SLC13A3: variants seen among roughly 807,000 people sequenced by gnomAD.
The protein encoded by SLC13A3 is Na(+)/dicarboxylate cotransporter 3.
A neutral mutation model predicts 59.0 loss-of-function variants in SLC13A3; 40 were observed. The observed-to-expected ratio is 0.68, with a 90% CI of 0.53 to 0.88. The LOEUF (loss-of-function observed/expected upper bound fraction) is 0.88, where lower values mean the gene tolerates loss of function less well. Ranked by LOEUF, SLC13A3 falls within the 40% of genes least tolerant of loss-of-function variation. The pLI, the probability that SLC13A3 is intolerant of heterozygous loss-of-function variation, is 0.00. For missense variants in SLC13A3, 699 were observed against 783.2 expected (o/e 0.89, Z 1.28); for synonymous variants, 317 against 330.3 (o/e 0.96, Z 0.44).
At chr20:46,679,178 A>C (rs1375006766) in intron 1 of SLC13A3, among the ~76,000 whole-genome samples, 2 of 152,166 alleles carry the variant, frequency 1.3e-5, no homozygotes, top group Non-Finnish European at 2.9e-5. Flanking sequence ...GCCCATTCCT[A>C]ATCAGGAACC....
At position 46,592,418 on chromosome 20, in the gene SLC13A3, C is replaced by T; in HGVS notation, c.906G>A (p.Gly302=). The T allele has an allele frequency of 1.2e-6, 2 of 1,613,936 alleles. No individual in the cohort carries two copies. Among genetic ancestry groups the T allele is most frequent in the South Asian group, 1.1e-5 (1 of 91,060 alleles). The part of the protein sequence containing the change: ...AGWLWISFLY[G]GLSFRGWRKN... ...ATGAGAGGTACCTGAAGCTCAGTCC[C>T]CCGTACAGGAAGGAGATCCAGAGCC... The change falls in exon 6 of 13, where the codon GGG becomes GGA. Residue 302 remains glycine (G), a synonymous_variant. Transcript: ENST00000279027.
At chr20:46,566,991 G>A (rs976513322) in intron 10 of SLC13A3, among the ~76,000 whole-genome samples, 4 of 151,992 alleles carry the variant, frequency 2.6e-5, no homozygotes, top group Non-Finnish European at 5.9e-5. Flanking sequence ...ATCACTTGAG[G>A]TCAGGAGTTC....
chr20:46,657,663 A>C (rs928980967), intron 1 of SLC13A3, among the ~76,000 whole-genome samples: 1 of 152,066 alleles, frequency 6.6e-6, no homozygotes, highest in Admixed American at 6.6e-5. Flanking sequence ...GAGGCTGAGT[A>C]ATTTATAAAG....
intron 1 of SLC13A3, among the ~76,000 whole-genome samples, chr20:46,676,633 T>A (rs998028202): frequency 1.8e-4 from 28 of 152,090 alleles, no homozygotes; most frequent in Non-Finnish European, 3.1e-4. Flanking sequence ...TCATCCAGGC[T>A]GGAGTGCAGT....
rs895050028 is a variant in SLC13A3, at chr20:46,559,816, T to C, written c.*206A>G. ...TTTCTCAGGCAGCAGATCTGAGAGA[T>C]ACCTGGGCTTTGAACTGCATGAAAG... On this transcript the variant is annotated 3_prime_UTR_variant, in exon 13 of 13. Coordinates refer to ENST00000279027, the MANE Select transcript of SLC13A3 (RefSeq NM_022829.6). 3 of 543,748 alleles carry C rather than the reference T, an allele frequency of 5.5e-6. No homozygotes were observed. Among genetic ancestry groups the C allele is most frequent in the Admixed American group, 6.4e-5 (2 of 31,298 alleles). 33.7% of individuals were successfully genotyped at this position (543,748 alleles called of 1,614,324 possible).
At chr20:46,561,393 C>T (rs2061929120) in intron 12 of SLC13A3, among the ~76,000 whole-genome samples, 1 of 152,202 alleles carries the variant, frequency 6.6e-6, no homozygotes, top group Admixed American at 6.5e-5. Context: ...CCTAAATTTA[C>T]TGAGACCTGT....
In SLC13A3 at chr20:46,628,354, A is replaced by G. The variant is rs369558998; in HGVS notation, c.112-14629T>C. 1.5e-4 allele frequency among the ~76,000 whole-genome samples: 23 copies of G among 152,212 alleles called. 1 individual carries two copies. The highest frequency in any genetic ancestry group is 4.6e-4 in the African/African-American group (19 of 41,520). On this transcript the variant is annotated intron_variant, in intron 1 of 12. Transcript: ENST00000279027. Reference sequence around the variant, plus strand: ...AGAATCTTGCTGAGCGGGCCCAGGGAAGAAGGAGTAGCAGCTTCGGGTAAA... The same window carrying G: ...AGAATCTTGCTGAGCGGGCCCAGGGGAGAAGGAGTAGCAGCTTCGGGTAAA...
At chr20:46,626,203 CTCTG>C (rs2062669699) in intron 1 of SLC13A3, among the ~76,000 whole-genome samples, 1 of 150,250 alleles carries the variant, frequency 6.7e-6, no homozygotes, top group Middle Eastern at 3.4e-3. Context: ...TTCCCACTCC[CTCTG>C]TCTGTCCTCT....
chr20:46,679,897 G>C (rs1323380401), intron 1 of SLC13A3, among the ~76,000 whole-genome samples: 1 of 147,016 alleles, frequency 6.8e-6, no homozygotes, highest in Non-Finnish European at 1.5e-5. Context: ...GACAGAGTGA[G>C]ACTCTGTCTC....
intron 9 of SLC13A3, among the ~76,000 whole-genome samples, chr20:46,580,145 A>T (rs1316241314): frequency 6.6e-6 from 1 of 152,120 alleles, no homozygotes; most frequent in East Asian, 1.9e-4. Context: ...TAGTAGAGAC[A>T]GGGTTTCGCC....
At chr20:46,675,498 A>G (rs1600636128) in intron 1 of SLC13A3, among the ~76,000 whole-genome samples, 1 of 144,856 alleles carries the variant, frequency 6.9e-6, no homozygotes, top group African/African-American at 2.6e-5. Context: ...TGCCCACCTC[A>G]GCCTCCCAAA....
At chr20:46,641,037 C>G (rs890776586) in intron 1 of SLC13A3, among the ~76,000 whole-genome samples, 2 of 152,116 alleles carry the variant, frequency 1.3e-5, no homozygotes, top group African/African-American at 4.8e-5. Flanking sequence ...GGCAATGGGT[C>G]AAACCGGGTA....
intron 1 of SLC13A3, among the ~76,000 whole-genome samples, chr20:46,643,196 A>G (rs114778509): frequency 0.04 from 6,030 of 152,168 alleles, 365 homozygotes; most frequent in African/African-American, 0.13. Context: ...CATGGGTGGG[A>G]AGGGGGGAAG....
At chr20:46,677,403 C>T (rs1239630215) in intron 1 of SLC13A3, among the ~76,000 whole-genome samples, 1 of 152,172 alleles carries the variant, frequency 6.6e-6, no homozygotes, top group African/African-American at 2.4e-5. Flanking sequence ...CAAGGGCAGC[C>T]ACGCTCCCAA....
At chr20:46,673,314 T>C (rs188150404), upstream of SLC13A3, among the ~76,000 whole-genome samples, 159 of 152,262 alleles carry the variant, frequency 1.0e-3, no homozygotes, top group Middle Eastern at 0.024. Context: ...TTAACTATGG[T>C]CATCAGCCCA....
At chr20:46,615,514 C>T (rs2062546083) in intron 1 of SLC13A3, among the ~76,000 whole-genome samples, 1 of 152,214 alleles carries the variant, frequency 6.6e-6, no homozygotes, top group African/African-American at 2.4e-5. Context: ...CCATTGCTGG[C>T]AGTTGTAGGT....
Position 46,570,703 on chromosome 20 carries a change from C to T in SLC13A3, c.1333-4313G>A, listed in dbSNP as rs192901450. On this transcript the variant is annotated intron_variant, in intron 10 of 12. Transcript: ENST00000279027. Reference sequence around the variant, plus strand: ...TTTCACCATTGCAAAGTTGAAAAATCGTATGTCGAATCGTTGTGAAGTCAG... The same window carrying T: ...TTTCACCATTGCAAAGTTGAAAAATTGTATGTCGAATCGTTGTGAAGTCAG... Among the ~76,000 whole-genome samples, 7 of 152,258 alleles carry T rather than the reference C, an allele frequency of 4.6e-5. No individual in the cohort carries two copies. In the East Asian group the frequency reaches 5.8e-4, roughly 13 times the overall value.
chr20:46,592,065 T>C (rs1392860762), intron 6 of SLC13A3, among the ~76,000 whole-genome samples: 1 of 151,926 alleles, frequency 6.6e-6, no homozygotes, highest in Non-Finnish European at 1.5e-5. Context: ...AAAAAAAATT[T>C]AACCAGGCAC....
intron 1 of SLC13A3, among the ~76,000 whole-genome samples, chr20:46,614,397 T>C (rs745518617): frequency 8.5e-5 from 13 of 152,188 alleles, no homozygotes; most frequent in Non-Finnish European, 1.6e-4. Flanking sequence ...TTTCAGCACT[T>C]CCGGCATCCT....
Sources: gnomAD v4.1 joint callset for allele counts (sites outside exome capture counted in the v4.1 genomes callset) on GRCh38, gnomAD v4.1.1 for gene constraint, MANE v1.5 for transcripts, NCBI Gene and HGNC (gene_info 2026-07-23, HGNC 2026-07-21) for gene names.